The following ZER1 variants were observed in gnomAD, a reference collection of about 807,000 sequenced individuals.
ZER1 encodes the protein zyg-11 related cell cycle regulator, also known as protein zer-1 homolog.
A neutral mutation model predicts 78.8 loss-of-function variants in ZER1; 11 were observed. The observed-to-expected ratio is 0.14, with a 90% CI of 0.09 to 0.23. ZER1 has a LOEUF of 0.23. Ranked by LOEUF, ZER1 falls within the 10% of genes least tolerant of loss-of-function variation. The pLI, the probability that ZER1 is intolerant of heterozygous loss-of-function variation, is 1.00. For synonymous variants in ZER1, 400 were observed against 407.0 expected (o/e 0.98, Z 0.21); for missense variants, 588 against 996.9 (o/e 0.59, Z 5.52).
chr9:128,755,369 G>C lies in ZER1; in HGVS notation c.158+39C>G. The C allele has an allele frequency of 2.5e-6, 4 of 1,611,192 alleles. No homozygotes were observed. Among genetic ancestry groups the C allele is most frequent in the African/African-American group, 2.7e-5 (2 of 74,914 alleles). ...CCCAATCTCTCTATACACATTCATG[G>C]TAAGACCCCTGCCCCTCCTCAGCCC... On this transcript the variant is annotated intron_variant, in intron 2 of 15. Coordinates refer to ENST00000291900, the MANE Select transcript of ZER1 (RefSeq NM_006336.4). This position sits in a 1 kb window ranked among gnomAD's most constrained non-coding sequence, Gnocchi z 5.6.
Position 128,753,672 on chromosome 9 carries a change from C to T in ZER1, c.310-72G>A, listed in dbSNP as rs1863761981. On this transcript the variant is annotated intron_variant, in intron 3 of 15. Coordinates refer to ENST00000291900, the MANE Select transcript of ZER1 (RefSeq NM_006336.4). This position sits in a 1 kb window ranked among gnomAD's most constrained non-coding sequence, Gnocchi z 7.5. ...CCCCGGCCCCAGGCCTTGCCCTGGG[C>T]TACAGGTGGGTTGGAAAGGGGGATG... 1 of 1,575,808 alleles carries T rather than the reference C, an allele frequency of 6.3e-7. No individual in the cohort carries two copies. Among genetic ancestry groups the T allele is most frequent in the Admixed American group, 1.8e-5 (1 of 56,342 alleles).
chr9:128,769,267 A>G (rs1479872348), intron 1 of ZER1, among the ~76,000 whole-genome samples: 1 of 152,228 alleles, frequency 6.6e-6, no homozygotes, highest in Non-Finnish European at 1.5e-5. Context: ...TGAGGCAGAC[A>G]TACATGCCCA....
rs1863746899 is a variant in ZER1 at position 128,753,318 on chromosome 9, G to C, written c.592C>G (p.Leu198Val). Residue 198 changes from leucine (L) to valine (V), a missense_variant, in exon 4 of 16, where the codon CTT becomes GTT. By Grantham distance (32) the Leu-to-Val change is conservative. Transcript: ENST00000291900. This position sits in a 1 kb window ranked among gnomAD's most constrained non-coding sequence, Gnocchi z 7.5. ...WVPVESLLRP[L>V]NSLAALDLSG... Reference sequence around the variant, plus strand: ...AGGTCCAAGGCAGCCAGGGAGTTAAGCGGCCGCAGCAGGGACTCCACAGGG... The same window carrying C: ...AGGTCCAAGGCAGCCAGGGAGTTAACCGGCCGCAGCAGGGACTCCACAGGG... The C allele has an allele frequency of 6.2e-7, 1 of 1,612,934 alleles. No individual in the cohort carries two copies. The highest frequency in any genetic ancestry group is 8.5e-7 in the Non-Finnish European group (1 of 1,179,578).
intron 1 of ZER1, among the ~76,000 whole-genome samples, chr9:128,761,603 G>GT (rs1180495331): frequency 0.034 from 3,682 of 107,350 alleles, 141 homozygotes; most frequent in East Asian, 0.069. Context: ...CCCATAATTT[G>GT]TTTTTTTTTT....
In ZER1 at chr9:128,771,828, C is replaced by A. The variant is rs995731786; in HGVS notation, c.-342G>T. On this transcript the variant is annotated 5_prime_UTR_variant, in exon 1 of 16. Transcript: ENST00000291900. ...CGTGGCGGTTACCTTGCCCTTAGGG[C>A]TGCCGGCGGGGCTGAGGCTCCTGGG... 6.6e-6 allele frequency: 1 copy of A among 152,170 alleles called. No homozygotes were observed. Among genetic ancestry groups the A allele is most frequent in the African/African-American group, 2.4e-5 (1 of 41,438 alleles). The allele number at this position is 152,170 out of a possible 1,614,324, so 9.4% of individuals were successfully genotyped here.
In ZER1 at chr9:128,753,305, G is replaced by C; in HGVS notation, c.605C>G (p.Ala202Gly). 1 of 1,612,292 alleles carries C rather than the reference G, an allele frequency of 6.2e-7. No individual in the cohort carries two copies. Among genetic ancestry groups the C allele is most frequent in the Non-Finnish European group, 8.5e-7 (1 of 1,179,272 alleles). ...ESLLRPLNSL[A>G]ALDLSGIQTS... ...CTGAATGCCTGAGAGGTCCAAGGCA[G>C]CCAGGGAGTTAAGCGGCCGCAGCAG... Residue 202 changes from alanine to glycine, a missense_variant, in exon 4 of 16, where the codon GCT becomes GGT. Transcript: ENST00000291900. The surrounding 1 kb of genome is among the most constrained non-coding windows in gnomAD (Gnocchi z 7.5).
intron 14 of ZER1, among the ~76,000 whole-genome samples, chr9:128,734,144 A>AAAATACAT: frequency 2.2e-3 from 32 of 14,446 alleles, no homozygotes; most frequent in African/African-American, 5.8e-3. Context: ...AAAAAAAAAA[A>AAAATACAT]ATATATATAT....
At position 128,733,451 on chromosome 9, in the gene ZER1, G is replaced by C; in HGVS notation, c.2218C>G (p.Arg740Gly). ...CGGGCCATTTCCTTGGTCTCCTGCCGTGCGGTCGCCATCTTAATTATGTCC... is the reference window on the plus strand; with the variant it reads ...CGGGCCATTTCCTTGGTCTCCTGCCCTGCGGTCGCCATCTTAATTATGTCC... ...LRDIIKMATA[R>G]QETKEMARKV... Residue 740 changes from arginine to glycine, a missense_variant, in exon 15 of 16, where the codon CGG (arginine) becomes GGG (glycine). Physicochemically the swap from Arg to Gly is moderately radical, Grantham distance 125. Coordinates refer to ENST00000291900, the MANE Select transcript of ZER1 (RefSeq NM_006336.4). 6.2e-7 allele frequency: 1 copy of C among 1,613,856 alleles called. No individual in the cohort carries two copies. The highest frequency in any genetic ancestry group is 8.5e-7 in the Non-Finnish European group (1 of 1,179,908).
chr9:128,759,534 G>A (rs1863974882), intron 1 of ZER1, among the ~76,000 whole-genome samples: 2 of 151,788 alleles, frequency 1.3e-5, no homozygotes, highest in African/African-American at 2.4e-5. Flanking sequence ...GGTGGCTCAC[G>A]CCTGTAATCC....
chr9:128,742,618 T>A lies in ZER1; in HGVS notation c.1487A>T (p.Gln496Leu). The change falls in exon 9 of 16, where the codon CAG becomes CTG. Residue 496 changes from glutamine (Q) to leucine (L), a missense_variant. Gln to Leu is a moderately radical substitution (Grantham distance 113). Transcript: ENST00000291900. ...ATTGCACAGGTGCACGGCGATCCGC[T>A]GGATAGACTCGTCCTGCCGCGTGGG... ...LNPTRQDESI[Q>L]RIAVHLCNAL... 1.2e-6 allele frequency: 2 copies of A among 1,614,198 alleles called. No homozygotes were observed. The highest frequency in any genetic ancestry group is 1.7e-6 in the Non-Finnish European group (2 of 1,180,040).
chr9:128,739,949 C>T lies in ZER1; in HGVS notation c.2024G>A (p.Arg675Gln), dbSNP rs760146636. 9 of 1,609,474 alleles carry T rather than the reference C, an allele frequency of 5.6e-6. No individual in the cohort carries two copies. In the East Asian group the frequency reaches 6.7e-5, roughly 12 times the overall value. Residue 675 changes from arginine to glutamine, a missense_variant, in exon 13 of 16, where the codon CGG (arginine) becomes CAG (glutamine). Arg to Gln is a conservative substitution (Grantham distance 43). Around this residue, in one of 3 missense-constraint regions of ZER1, gnomAD observed 122 missense variants for 173.5 expected, o/e 0.70. Coordinates refer to ENST00000291900, the MANE Select transcript of ZER1 (RefSeq NM_006336.4). Reference protein sequence around the residue: ...AAIQSWDINSRRNINYRSFEP... With the variant: ...AAIQSWDINSQRNINYRSFEP... ...CCCACACCTGTAATTGATGTTTCTC[C>T]GAGAGTTTATGTCCCAGCTCTGGAT...
In ZER1 at chr9:128,735,316, G is replaced by A. The variant is rs767073608; in HGVS notation, c.2140+18C>T. On this transcript the variant is annotated intron_variant, in intron 14 of 15. Coordinates refer to ENST00000291900, the MANE Select transcript of ZER1 (RefSeq NM_006336.4). ...TCAGCTGGATGAGTGTCTGAACCCA[G>A]GACAAGTTGGCACTCACGGTAGACA... is the stretch of plus-strand genomic sequence containing the variant. 6.2e-7 allele frequency: 1 copy of A among 1,607,816 alleles called. No individual in the cohort carries two copies. The highest frequency in any genetic ancestry group is 1.3e-5 in the African/African-American group (1 of 74,694).
chr9:128,768,634 C>T (rs1864289049), intron 1 of ZER1, among the ~76,000 whole-genome samples: 1 of 152,184 alleles, frequency 6.6e-6, no homozygotes, highest in South Asian at 2.1e-4. Flanking sequence ...TCTGACCTTT[C>T]ATTTTCAAAT....
intron 9 of ZER1, 96 bp downstream of exon 9, chr9:128,742,434 A>G: frequency 6.9e-7 from 1 of 1,441,264 alleles, no homozygotes; most frequent in Non-Finnish European, 9.6e-7. Context: ...TCCGACTCCC[A>G]GCCCCAGGCC....
upstream of ZER1, chr9:128,772,274 G>A (rs1257651753): frequency 1.3e-5 from 2 of 152,416 alleles, no homozygotes; most frequent in African/African-American, 4.8e-5. Context: ...TGTTGAACAT[G>A]TCTTGCGTTC....
chr9:128,768,389 G>T (rs144370594), intron 1 of ZER1, among the ~76,000 whole-genome samples: 2 of 152,172 alleles, frequency 1.3e-5, no homozygotes, highest in African/African-American at 4.8e-5. Context: ...TCTTTCACAA[G>T]CTGTGTCTCA....
In ZER1 at chr9:128,753,393, C is replaced by T; in HGVS notation, c.517G>A (p.Gly173Ser). ...QVLVKDFTFE[G>S]FSRLRFLNLG... ...TTGAGGAAGCGGAGGCGGCTGAAGCCCTCGAAGGTGAAATCCTTAACCAGC... is the reference window on the plus strand; with the variant it reads ...TTGAGGAAGCGGAGGCGGCTGAAGCTCTCGAAGGTGAAATCCTTAACCAGC... Residue 173 changes from glycine to serine, a missense_variant, in exon 4 of 16, where the codon GGC becomes AGC. Gly to Ser is a moderately conservative substitution (Grantham distance 56). Coordinates refer to ENST00000291900, the MANE Select transcript of ZER1 (RefSeq NM_006336.4). This position sits in a 1 kb window ranked among gnomAD's most constrained non-coding sequence, Gnocchi z 7.5. 6.2e-7 allele frequency: 1 copy of T among 1,614,098 alleles called. No homozygotes were observed. Among genetic ancestry groups the T allele is most frequent in the Middle Eastern group, 1.6e-4 (1 of 6,062 alleles).
chr9:128,751,955 G>A lies in ZER1; in HGVS notation c.924-428C>T, dbSNP rs1863692765. 6.6e-6 allele frequency among the ~76,000 whole-genome samples: 1 copy of A among 152,220 alleles called. No homozygotes were observed. Among genetic ancestry groups the A allele is most frequent in the Admixed American group, 6.5e-5 (1 of 15,268 alleles). ...TATGTCCAGCAATACTCCATAGGTGGCAGACACTGCCAGCCTTGCCTCTTC... is the reference window on the plus strand; with the variant it reads ...TATGTCCAGCAATACTCCATAGGTGACAGACACTGCCAGCCTTGCCTCTTC... On this transcript the variant is annotated intron_variant, in intron 5 of 15. Coordinates refer to ENST00000291900, the MANE Select transcript of ZER1 (RefSeq NM_006336.4). The surrounding 1 kb of genome is among the most constrained non-coding windows in gnomAD (Gnocchi z 5.4).
intron 1 of ZER1, among the ~76,000 whole-genome samples, chr9:128,769,944 C>T (rs1048648557): frequency 3.9e-5 from 6 of 152,200 alleles, no homozygotes; most frequent in Non-Finnish European, 8.8e-5. Flanking sequence ...TCTCCAACCA[C>T]CAGACACTTC....
Sources: allele counts gnomAD v4.1 joint callset (sites outside exome capture counted in the v4.1 genomes callset), GRCh38; gene constraint gnomAD v4.1.1; regional missense constraint gnomAD v4.1.1; non-coding constraint Gnocchi (gnomAD v3.1); transcripts MANE v1.5; gene names NCBI Gene and HGNC (gene_info 2026-07-23, HGNC 2026-07-21).